SFI1: variants seen among roughly 807,000 people sequenced by gnomAD.
SFI1 encodes SFI1 centrin binding protein, also known as protein SFI1 homolog.
Under a neutral mutation model 207.5 loss-of-function variants are expected in SFI1, and 195 were observed. The ratio of observed to expected loss-of-function variants is 0.94; its 90% CI spans 0.84 to 1.06. The LOEUF is 1.06. Among genes scored for constraint, SFI1 ranks in the 50% least tolerant of loss-of-function variants. SFI1 has a pLI of 0.00. For synonymous variants in SFI1, 630 were observed against 598.9 expected (o/e 1.05, Z -0.76); for missense variants, 1,634 against 1,588.0 (o/e 1.03, Z -0.49).
chr22:31,603,163 G>T (rs971079155), intron 17 of SFI1, among the ~76,000 whole-genome samples: 2 of 152,204 alleles, frequency 1.3e-5, no homozygotes, highest in Non-Finnish European at 1.5e-5. Context: ...AACCCGGGAA[G>T]TGAAGGTTGC....
chr22:31,594,363 C>T (rs1983474775), intron 15 of SFI1, among the ~76,000 whole-genome samples: 1 of 151,522 alleles, frequency 6.6e-6, no homozygotes, highest in Non-Finnish European at 1.5e-5. Flanking sequence ...GCCTGGCCAA[C>T]ATGGTGAAAC....
At chr22:31,595,497 G>T (rs2066969712) in intron 15 of SFI1, among the ~76,000 whole-genome samples, 1 of 152,214 alleles carries the variant, frequency 6.6e-6, no homozygotes, top group Non-Finnish European at 1.5e-5. Context: ...GTACAGCCAG[G>T]TTAATTCACA....
At chr22:31,556,288 T>A (rs1296338188) in intron 6 of SFI1, among the ~76,000 whole-genome samples, 1 of 151,694 alleles carries the variant, frequency 6.6e-6, no homozygotes, top group Non-Finnish European at 1.5e-5. Flanking sequence ...AATGGCGTGA[T>A]CTCAGCTCAC....
intron 9 of SFI1, among the ~76,000 whole-genome samples, chr22:31,574,677 C>G (rs933523055): frequency 6.6e-6 from 1 of 152,184 alleles, no homozygotes; most frequent in Non-Finnish European, 1.5e-5. Flanking sequence ...ATAGCATCCT[C>G]CTCCCTAAAA....
In SFI1 at chr22:31,589,546, G is replaced by A. The variant is rs1205348728; in HGVS notation, c.1513G>A (p.Val505Ile). The A allele has an allele frequency of 1.2e-6, 2 of 1,613,940 alleles. No homozygotes were observed. The highest frequency in any genetic ancestry group is 2.2e-5 in the South Asian group (2 of 91,060). Residue 505 changes from valine to isoleucine, a missense_variant, in exon 15 of 33, where the codon GTC (valine) becomes ATC (isoleucine). Coordinates refer to ENST00000400288, the MANE Select transcript of SFI1 (RefSeq NM_001007467.3). ...RLWRWRHQENVLSARATRFHR... is the reference protein window; with the variant it reads ...RLWRWRHQENILSARATRFHR... ...CTGGCGATGGCGCCACCAGGAAAAT[G>A]TCCTCAGTGCAAGAGCAACACGTTT...
intron 29 of SFI1, 35 bp downstream of exon 29, chr22:31,615,314 C>T: frequency 7.0e-7 from 1 of 1,435,922 alleles, no homozygotes; most frequent in South Asian, 1.5e-5. Flanking sequence ...GGCACTGGGG[C>T]TCTCACTCTG....
chr22:31,501,175 CTTT>C (rs773631022), intron 1 of SFI1, among the ~76,000 whole-genome samples: 1 of 139,074 alleles, frequency 7.2e-6, no homozygotes, highest in Admixed American at 7.3e-5. Context: ...GTAGACATAA[CTTT>C]TTTTTTTTTT....
In SFI1 at chr22:31,611,307, A is replaced by T. The variant is rs764314993; in HGVS notation, c.2415+4A>T. 2.2e-5 allele frequency: 35 copies of T among 1,586,328 alleles called. No homozygotes were observed. Among genetic ancestry groups the T allele is most frequent in the Middle Eastern group, 1.9e-4 (1 of 5,356 alleles). Reference sequence around the variant, plus strand: ...TCTGCAGTGTGTCAGGAAGAGGGTGAGGCTGACGGTGGCAACTCTCCAAGT... The same window carrying T: ...TCTGCAGTGTGTCAGGAAGAGGGTGTGGCTGACGGTGGCAACTCTCCAAGT... On this transcript the variant is annotated splice_donor_region_variant and intron_variant, in intron 23 of 32. Transcript: ENST00000400288.
rs182841700 is a variant in SFI1, at chr22:31,500,672, G to T, written c.-31+4035G>T. 5.3e-3 allele frequency among the ~76,000 whole-genome samples: 802 copies of T among 152,270 alleles called. 7 individuals carry two copies. The highest frequency in any genetic ancestry group is 0.019 in the African/African-American group (789 of 41,536). On this transcript the variant is annotated intron_variant, in intron 1 of 32. Coordinates refer to ENST00000400288, the MANE Select transcript of SFI1 (RefSeq NM_001007467.3). The stretch of plus-strand genomic sequence containing the variant: ...GGGTTTTGCCATGTTGGCCAGGCTG[G>T]TCTCAAATTCCTGATCTCAGGTGAT...
chr22:31,557,691 G>A (rs2061305918), intron 7 of SFI1, among the ~76,000 whole-genome samples: 1 of 152,146 alleles, frequency 6.6e-6, no homozygotes, highest in Non-Finnish European at 1.5e-5. Flanking sequence ...TAAACTGTAA[G>A]TACCATTATT....
intron 22 of SFI1, among the ~76,000 whole-genome samples, chr22:31,609,708 T>C (rs867752645): frequency 4.6e-5 from 7 of 152,248 alleles, no homozygotes; most frequent in African/African-American, 1.7e-4. Flanking sequence ...GCGCCACGAA[T>C]GTGCTGCTGG....
chr22:31,530,990 C>A, intron 3 of SFI1, 68 bp from the exon 4 acceptor site: 2 of 1,354,730 alleles, frequency 1.5e-6, no homozygotes, highest in South Asian at 1.2e-5. Flanking sequence ...CCTTTCCTTT[C>A]CAGAAAACTG....
chr22:31,594,489 C>T (rs1338417065), intron 15 of SFI1, among the ~76,000 whole-genome samples: 43 of 139,442 alleles, frequency 3.1e-4, no homozygotes, highest in Non-Finnish European at 3.9e-4. Context: ...TGGAGGTTGC[C>T]GTGAGCTGAG....
At chr22:31,575,791 T>C (rs1162556533) in intron 10 of SFI1, among the ~76,000 whole-genome samples, 1 of 152,196 alleles carries the variant, frequency 6.6e-6, no homozygotes, top group Non-Finnish European at 1.5e-5. Flanking sequence ...CCACTATCTT[T>C]TTCTTGGTGA....
intron 1 of SFI1, 51 bp from the exon 2 acceptor site, chr22:31,508,204 C>T: frequency 9.3e-7 from 1 of 1,079,400 alleles, no homozygotes; most frequent in East Asian, 2.4e-5. Flanking sequence ...AATGTGGCTC[C>T]TGAGAGGCTG....
chr22:31,561,740 G>T (rs547426915), intron 8 of SFI1, among the ~76,000 whole-genome samples: 1 of 152,298 alleles, frequency 6.6e-6, no homozygotes, highest in Non-Finnish European at 1.5e-5. Flanking sequence ...GGGCAGAAAA[G>T]AAACTTAAGA....
chr22:31,499,874 G>A (rs1364954557), intron 1 of SFI1, among the ~76,000 whole-genome samples: 1 of 151,146 alleles, frequency 6.6e-6, no homozygotes, highest in African/African-American at 2.4e-5. Context: ...TGTAGTCCCA[G>A]CTACTCCAGA....
chr22:31,507,521 TTAAAC>T (rs748748702), intron 1 of SFI1, among the ~76,000 whole-genome samples: 41 of 152,240 alleles, frequency 2.7e-4, no homozygotes, highest in Admixed American at 4.6e-4. Flanking sequence ...TAATTTCTAA[TTAAAC>T]TAAAGCACTT....
At chr22:31,606,455 T>C in intron 21 of SFI1, 25 bp downstream of exon 21, 1 of 1,598,526 alleles carries the variant, frequency 6.3e-7, no homozygotes. Flanking sequence ...GGCAAGCTGG[T>C]CACCCAGGAG....
Sources: gnomAD v4.1 joint callset for allele counts (sites outside exome capture counted in the v4.1 genomes callset) on GRCh38, gnomAD v4.1.1 for gene constraint, MANE v1.5 for transcripts, NCBI Gene and HGNC (gene_info 2026-07-23, HGNC 2026-07-21) for gene names.